ALK: variants seen among roughly 807,000 people sequenced by gnomAD.
ALK encodes the protein ALK tyrosine kinase receptor.
ALK carries 74 observed loss-of-function variants against 163.1 expected under a neutral mutation model. That is an observed-to-expected ratio of 0.45 (90% CI 0.38 to 0.55). ALK has a LOEUF of 0.55. ALK is among the 20% of genes least tolerant of loss of function. ALK has a pLI of 0.00. For missense variants in ALK, 2,063 were observed against 2,105.3 expected, an observed-to-expected ratio of 0.98 and a Z score of 0.39; for synonymous variants, 960 against 843.2, an observed-to-expected ratio of 1.14 and a Z score of -2.40.
intron 3 of ALK, among the ~76,000 whole-genome samples, chr2:29,672,230 G>C (rs985098894): frequency 3.3e-5 from 5 of 151,480 alleles, no homozygotes; most frequent in African/African-American, 1.2e-4. Flanking sequence ...CATTGTGCAG[G>C]TTAGTTACAT....
rs755251302 is a variant in ALK at position 29,239,824 on chromosome 2, C to T, written c.2211G>A (p.Ser737=). 1.2e-5 allele frequency: 20 copies of T among 1,613,346 alleles called. No homozygotes were observed. Among genetic ancestry groups the T allele is most frequent in the South Asian group, 5.5e-5 (5 of 91,068 alleles). Residue 737 remains serine (S), a synonymous_variant, in exon 13 of 29, where the codon TCG becomes TCA. Transcript: ENST00000389048. ...CTTTCCCGCCAGCAGCTCCGTAGCC[C>T]GAGATGCTGCAATGGGACAAAGAAC... ...KVPATDTYSI[S]GYGAAGGKGG...
At chr2:29,764,557 A>C (rs1290811752) in intron 1 of ALK, among the ~76,000 whole-genome samples, 1 of 152,186 alleles carries the variant, frequency 6.6e-6, no homozygotes, top group African/African-American at 2.4e-5. Flanking sequence ...ACTTGGGGCC[A>C]GGCACTGTGA....
chr2:29,602,319 A>T (rs1295992286), intron 3 of ALK, among the ~76,000 whole-genome samples: 1 of 152,078 alleles, frequency 6.6e-6, no homozygotes, highest in Non-Finnish European at 1.5e-5. Flanking sequence ...CTGCTCATAG[A>T]ATCCCAGCAG....
chr2:29,383,671 G>T, intron 5 of ALK, 61 bp downstream of exon 5: 3 of 1,610,108 alleles, frequency 1.9e-6, no homozygotes, highest in South Asian at 1.1e-5. Flanking sequence ...ATGGTTGCAG[G>T]TTATTGACAC....
At chr2:29,364,717 G>T (rs1668462804) in intron 5 of ALK, among the ~76,000 whole-genome samples, 1 of 152,196 alleles carries the variant, frequency 6.6e-6, no homozygotes, top group Non-Finnish European at 1.5e-5. Flanking sequence ...CAGGGAACAG[G>T]CGTGGGTGAC....
At chr2:29,196,691 A>C in intron 28 of ALK, 79 bp downstream of exon 28, 6 of 1,010,378 alleles carry the variant, frequency 5.9e-6, no homozygotes, top group Non-Finnish European at 9.5e-6. Flanking sequence ...GGCTTGACCT[A>C]TTTCATATTT....
Position 29,753,057 on chromosome 2 carries a change from A to C in ALK, c.668-35360T>G, listed in dbSNP as rs77084966. 1.3e-3 allele frequency among the ~76,000 whole-genome samples: 194 copies of C among 152,300 alleles called. 1 individual carries two copies. The East Asian group carries it at 0.028, about 22-fold the overall frequency. ...CACCCTGCTAACTGTCTACAAACTC[A>C]GAAAAGGCCTTTGAATGTCACACAG... On this transcript the variant is annotated intron_variant, in intron 1 of 28. Transcript: ENST00000389048.
At chr2:29,785,383 T>C (rs182034082) in intron 1 of ALK, among the ~76,000 whole-genome samples, 402 of 152,276 alleles carry the variant, frequency 2.6e-3, no homozygotes, top group Non-Finnish European at 4.1e-3. Context: ...AAATTGGCGA[T>C]AAAAACACAA....
chr2:29,484,210 T>C (rs754719408), intron 4 of ALK, among the ~76,000 whole-genome samples: 31 of 152,182 alleles, frequency 2.0e-4, no homozygotes, highest in Non-Finnish European at 3.7e-4. Context: ...ACTATTATTA[T>C]ATAAGTAGGT....
intron 3 of ALK, among the ~76,000 whole-genome samples, chr2:29,685,930 G>T (rs1251661480): frequency 6.6e-6 from 1 of 152,042 alleles, no homozygotes; most frequent in Non-Finnish European, 1.5e-5. Flanking sequence ...CCAGCAATGT[G>T]ACCTCCTTAA....
intron 1 of ALK, among the ~76,000 whole-genome samples, chr2:29,791,825 T>C (rs1664197868): frequency 6.6e-6 from 1 of 152,158 alleles, no homozygotes; most frequent in Non-Finnish European, 1.5e-5. Context: ...GTCTTTGTCA[T>C]TCATCATCAA....
intron 1 of ALK, among the ~76,000 whole-genome samples, chr2:29,849,056 T>G (rs1287907566): frequency 1.3e-5 from 2 of 152,114 alleles, no homozygotes; most frequent in South Asian, 2.1e-4. Flanking sequence ...CACATCTCCA[T>G]GCACACCAGG....
intron 8 of ALK, among the ~76,000 whole-genome samples, chr2:29,300,557 A>AAAAAG (rs1368802052): frequency 1.4e-5 from 2 of 141,638 alleles, no homozygotes; most frequent in Non-Finnish European, 3.1e-5. Flanking sequence ...TCTGTCTCAA[A>AAAAAG]AAAAAAAAAA....
chr2:29,193,645 G>A lies in ALK; in HGVS notation c.4442C>T (p.Ser1481Phe), dbSNP rs1356575388. The part of the protein sequence containing the change: ...VEGGHVNMAF[S>F]QSNPPSELHK... ...CAACTCCGAAGGAGGGTTGGACTGAGAGAATGCCATATTCACGTGTCCCCC... is the reference window on the plus strand; with the variant it reads ...CAACTCCGAAGGAGGGTTGGACTGAAAGAATGCCATATTCACGTGTCCCCC... The change falls in exon 29 of 29, where the codon TCT becomes TTT. Residue 1481 changes from serine to phenylalanine, a missense_variant. By Grantham distance (155) the Ser-to-Phe change is radical (BLOSUM62 -2). Coordinates refer to ENST00000389048, the MANE Select transcript of ALK (RefSeq NM_004304.5). 18 of 1,614,256 alleles carry A rather than the reference G, an allele frequency of 1.1e-5. No homozygotes were observed. Among genetic ancestry groups the A allele is most frequent in the Non-Finnish European group, 1.5e-5 (18 of 1,180,046 alleles).
intron 4 of ALK, among the ~76,000 whole-genome samples, chr2:29,438,141 G>C (rs1428396762): frequency 6.7e-6 from 1 of 148,912 alleles, no homozygotes; most frequent in Non-Finnish European, 1.5e-5. Flanking sequence ...AGAACACGAA[G>C]CAAATACCTT....
chr2:29,867,934 G>T (rs1360727885), intron 1 of ALK, among the ~76,000 whole-genome samples: 1 of 152,218 alleles, frequency 6.6e-6, no homozygotes, highest in African/African-American at 2.4e-5. Flanking sequence ...TGCTCAGACA[G>T]CAGTGACCTC....
chr2:29,777,067 T>A (rs1292634843), intron 1 of ALK, among the ~76,000 whole-genome samples: 1 of 152,078 alleles, frequency 6.6e-6, no homozygotes, highest in Non-Finnish European at 1.5e-5. Context: ...ATGTGTCTCC[T>A]CAAACTACAG....
chr2:29,213,765 C>A (rs1308380993), intron 24 of ALK, among the ~76,000 whole-genome samples: 1 of 152,168 alleles, frequency 6.6e-6, no homozygotes, highest in Admixed American at 6.5e-5. Flanking sequence ...GGGAGGATTA[C>A]TGGAGCCCAG....
At chr2:29,905,689 C>T (rs1414878139) in intron 1 of ALK, among the ~76,000 whole-genome samples, 1 of 152,026 alleles carries the variant, frequency 6.6e-6, no homozygotes, top group African/African-American at 2.4e-5. Context: ...CCTACCTAGC[C>T]AGCCACAGTG....
Sources: gnomAD v4.1 joint callset for allele counts (sites outside exome capture counted in the v4.1 genomes callset) on GRCh38, gnomAD v4.1.1 for gene constraint, MANE v1.5 for transcripts, NCBI Gene and HGNC (gene_info 2026-07-23, HGNC 2026-07-21) for gene names.